Variants in SETX observed in about 807,000 individuals in gnomAD.
The protein encoded by SETX is senataxin.
Under a neutral mutation model 227.2 loss-of-function variants are expected in SETX, and 90 were observed. The observed-to-expected ratio is 0.40, with a 90% CI of 0.33 to 0.47. The LOEUF is 0.47. SETX is among the 20% of genes least tolerant of loss of function. SETX has a pLI of 0.91. For missense variants in SETX, 3,052 were observed against 3,181.5 expected (o/e 0.96, Z 0.98); for synonymous variants, 1,210 against 1,113.2 (o/e 1.09, Z -1.73).
intron 10 of SETX, among the ~76,000 whole-genome samples, chr9:132,317,498 C>T (rs1448680903): frequency 1.3e-5 from 2 of 152,162 alleles, no homozygotes; most frequent in Non-Finnish European, 2.9e-5. Context: ...ATTATATACG[C>T]TTGGGTAACT....
At position 132,326,679 on chromosome 9, in the gene SETX, G is replaced by A. The variant is rs776922262; in HGVS notation, c.4919C>T (p.Pro1640Leu). The A allele has an allele frequency of 3.7e-6, 6 of 1,614,156 alleles. No individual in the cohort carries two copies. In the East Asian group the frequency reaches 1.1e-4, roughly 30 times the overall value. The change falls in exon 10 of 26, where the codon CCA (proline) becomes CTA (leucine). Residue 1640 changes from proline to leucine, a missense_variant. Physicochemically the swap from Pro to Leu is moderately conservative, Grantham distance 98. Around this residue, in one of 10 missense-constraint regions of SETX, gnomAD observed 1,483 missense variants for 1,312.0 expected, o/e 1.13. Coordinates refer to ENST00000224140, the MANE Select transcript of SETX (RefSeq NM_015046.7). ...TGGCTTCTGAGCTATGAGGGGAACT[G>A]GCTGTGGTACTTTCAAAATCGACTG... ...GIQSILKVPQPVPLIAQKPVG... is the reference protein window; with the variant it reads ...GIQSILKVPQLVPLIAQKPVG...
In SETX at chr9:132,300,664, A is replaced by G; in HGVS notation, c.5514T>C (p.Ser1838=). ...NDIQDLHEYH[S]GYVHKFRRTS... is the part of the protein sequence containing the mutation. ...TGCGGCGAAATTTATGAACATAACC[A>G]GAATGATATTCGTGGAGATCTTGTA... Residue 1838 remains serine (S), a synonymous_variant, in exon 12 of 26, where the codon TCT becomes TCC. Transcript: ENST00000224140. The G allele has an allele frequency of 6.2e-7, 1 of 1,613,820 alleles. No homozygotes were observed. The highest frequency in any genetic ancestry group is 8.5e-7 in the Non-Finnish European group (1 of 1,179,912).
intron 23 of SETX, 136 bp downstream of exon 23, chr9:132,275,120 A>G: frequency 1.1e-6 from 1 of 895,936 alleles, no homozygotes; most frequent in Non-Finnish European, 1.8e-6. Context: ...GAAAGCCAGC[A>G]GCATCCCAGC....
chr9:132,278,762 T>A (rs898467488), intron 20 of SETX, among the ~76,000 whole-genome samples: 2 of 152,128 alleles, frequency 1.3e-5, no homozygotes, highest in Non-Finnish European at 2.9e-5. Flanking sequence ...ATAAAGGAAA[T>A]GTAACACAGA....
At position 132,334,719 on chromosome 9, in the gene SETX, T is replaced by C. The variant is rs1847482777; in HGVS notation, c.727A>G (p.Met243Val). The C allele has an allele frequency of 3.7e-6, 6 of 1,614,108 alleles. No homozygotes were observed. The highest frequency in any genetic ancestry group is 5.1e-6 in the Non-Finnish European group (6 of 1,179,972). Residue 243 changes from methionine to valine, a missense_variant, in exon 7 of 26, where the codon ATG (methionine) becomes GTG (valine). By Grantham distance (21) the Met-to-Val change is conservative (BLOSUM62 1). Transcript: ENST00000224140. ...NYKSYWLGIC[M>V]LLTILEEQAM... ...TGTTCCTCAAGAATGGTCAGCAACA[T>C]GCAAATACCTGTAAGATCATTTAGA...
chr9:132,322,285 C>G (rs1222238044), intron 10 of SETX, among the ~76,000 whole-genome samples: 1 of 152,050 alleles, frequency 6.6e-6, no homozygotes, highest in Non-Finnish European at 1.5e-5. Flanking sequence ...GTTTTTAGTA[C>G]TATGGTTTTA....
chr9:132,278,606 C>A (rs1348375470), intron 20 of SETX, among the ~76,000 whole-genome samples: 1 of 151,886 alleles, frequency 6.6e-6, no homozygotes, highest in Non-Finnish European at 1.5e-5. Context: ...CAGGAATGAG[C>A]CACCACACCT....
intron 17 of SETX, 68 bp downstream of exon 17, chr9:132,288,166 ACT>A (rs1261009220): frequency 2.5e-6 from 3 of 1,194,436 alleles, no homozygotes; most frequent in South Asian, 1.3e-5. Flanking sequence ...ACAGAGCAAG[ACT>A]CTGTCTCAAA....
chr9:132,282,560 G>C (rs1843604499), intron 19 of SETX, among the ~76,000 whole-genome samples: 1 of 152,014 alleles, frequency 6.6e-6, no homozygotes. Flanking sequence ...AAAGTGCCAG[G>C]ATTACAGGTG....
chr9:132,286,610 AC>A, intron 17 of SETX, 116 bp from the exon 18 acceptor site: 1 of 761,046 alleles, frequency 1.3e-6, no homozygotes, highest in Non-Finnish European at 2.3e-6. Context: ...AAATGTATTT[AC>A]CCAGCTTATT....
intron 12 of SETX, among the ~76,000 whole-genome samples, chr9:132,300,385 A>G (rs1844919770): frequency 6.6e-6 from 1 of 152,202 alleles, no homozygotes; most frequent in Non-Finnish European, 1.5e-5. Context: ...TCCATTTTAT[A>G]GCAAACACAA....
At chr9:132,288,162 C>A (rs1181160492) in intron 17 of SETX, 74 bp downstream of exon 17, 3 of 1,170,048 alleles carry the variant, frequency 2.6e-6, no homozygotes, top group East Asian at 2.5e-5. Context: ...GAAGACAGAG[C>A]AAGACTCTGT....
chr9:132,284,778 G>A (rs2131221817), intron 18 of SETX, among the ~76,000 whole-genome samples: 1 of 152,020 alleles, frequency 6.6e-6, no homozygotes, highest in East Asian at 1.9e-4. Flanking sequence ...CTTCTATCCA[G>A]GTTGGAGCTC....
intron 5 of SETX, among the ~76,000 whole-genome samples, chr9:132,340,253 G>A (rs989163862): frequency 6.6e-6 from 1 of 152,072 alleles, no homozygotes; most frequent in East Asian, 1.9e-4. Flanking sequence ...ACAATGTGTA[G>A]GTTTGTTGGT....
intron 15 of SETX, among the ~76,000 whole-genome samples, chr9:132,290,143 A>T (rs1409073373): frequency 6.6e-6 from 1 of 152,208 alleles, no homozygotes; most frequent in Admixed American, 6.5e-5. Context: ...CAGGAGGTGG[A>T]AGTTGCAGTA....
rs377691963 is a variant in SETX at position 132,302,679 on chromosome 9, AGC to A, written c.5375-1878_5375-1877del. On this transcript the variant is annotated intron_variant, in intron 11 of 25. Transcript: ENST00000224140. ...TTGTCTCAAAAAAAAAAAAAAAAAA[AGC>A]AAAAAAAAAAAAAAAAACCAGCAGG... Among the ~76,000 whole-genome samples, 517 of 116,358 alleles carry A rather than the reference AGC, an allele frequency of 4.4e-3. 1 individual carries two copies. The highest frequency in any genetic ancestry group is 0.027 in the Middle Eastern group (6 of 224). The allele number at this position is 116,358 out of a possible 152,430, so 76.3% of individuals were successfully genotyped here.
chr9:132,337,959 T>C (rs1213687485), intron 5 of SETX, among the ~76,000 whole-genome samples: 1 of 152,192 alleles, frequency 6.6e-6, no homozygotes, highest in Non-Finnish European at 1.5e-5. Context: ...GCAAAGGATA[T>C]GGCGTGCCTC....
At chr9:132,299,117 A>G (rs1844843363) in intron 12 of SETX, among the ~76,000 whole-genome samples, 1 of 152,226 alleles carries the variant, frequency 6.6e-6, no homozygotes, top group African/African-American at 2.4e-5. Context: ...GGAAAAATCA[A>G]TCATATCTGC....
At position 132,329,558 on chromosome 9, in the gene SETX, C is replaced by G. The variant is rs755050599; in HGVS notation, c.2040G>C (p.Glu680Asp). 1.2e-5 allele frequency: 20 copies of G among 1,613,264 alleles called. No homozygotes were observed. The highest frequency in any genetic ancestry group is 1.7e-5 in the Non-Finnish European group (20 of 1,179,974). The stretch of plus-strand genomic sequence containing the variant: ...AGCATGACCCAGCTAAGAGATGGTC[C>G]TCTAGTTTCACATCCTTTATATAAT... The part of the protein sequence containing the change: ...EQNYIKDVKL[E>D]DHLLAGSCLK... The change falls in exon 10 of 26, where the codon GAG becomes GAC. Residue 680 changes from glutamate (E) to aspartate (D), a missense_variant. Coordinates refer to ENST00000224140, the MANE Select transcript of SETX (RefSeq NM_015046.7).
Sources: gnomAD v4.1 joint callset for allele counts (sites outside exome capture counted in the v4.1 genomes callset) on GRCh38, gnomAD v4.1.1 for gene constraint, gnomAD v4.1.1 regional missense constraint, MANE v1.5 for transcripts, NCBI Gene and HGNC (gene_info 2026-07-23, HGNC 2026-07-21) for gene names.